The following MPRIP variants were observed in gnomAD, a reference collection of about 807,000 sequenced individuals.
The protein encoded by MPRIP is myosin phosphatase Rho-interacting protein.
In MPRIP, 59 loss-of-function variants were observed where a neutral mutation model predicts 234.9. The observed-to-expected ratio is 0.25, with a 90% confidence interval of 0.20 to 0.31. MPRIP has a LOEUF of 0.31. MPRIP is among the 10% of genes least tolerant of loss of function. The pLI is 1.00. For synonymous variants in MPRIP, 1,144 were observed against 1,263.9 expected, an observed-to-expected ratio of 0.91 and a Z score of 2.01; for missense variants, 2,436 against 3,071.0, an observed-to-expected ratio of 0.79 and a Z score of 4.89.
At chr17:17,061,990 A>G (rs924619714) in intron 1 of MPRIP, among the ~76,000 whole-genome samples, 4 of 152,152 alleles carry the variant, frequency 2.6e-5, no homozygotes, top group Non-Finnish European at 4.4e-5. Context: ...TTTTAATAAA[A>G]AATGGCATGG....
chr17:17,161,443 A>G, intron 15 of MPRIP, 87 bp downstream of exon 15: 1 of 914,006 alleles, frequency 1.1e-6, no homozygotes, highest in South Asian at 2.1e-5. Context: ...GGAGTGTGCA[A>G]AACTTGGCTG....
chr17:17,168,930 C>A, intron 16 of MPRIP: 1 of 456,860 alleles, frequency 2.2e-6, no homozygotes, highest in South Asian at 1.5e-5. Context: ...CACTGTCTAG[C>A]AGGACACCTG....
chr17:17,075,596 C>T (rs1326494067), intron 1 of MPRIP, 114 bp from the exon 2 acceptor site: 4 of 881,488 alleles, frequency 4.5e-6, no homozygotes, highest in Non-Finnish European at 5.6e-6. Context: ...GGTGTCATGA[C>T]CTCTGCAGAG....
At chr17:17,122,845 T>G (rs1597841991) in intron 3 of MPRIP, among the ~76,000 whole-genome samples, 1 of 152,190 alleles carries the variant, frequency 6.6e-6, no homozygotes, top group African/African-American at 2.4e-5. Context: ...ACATATAGTT[T>G]CCATATGACC....
At position 17,158,513 on chromosome 17, in the gene MPRIP, G is replaced by A. The variant is rs1262920188; in HGVS notation, c.1911G>A (p.Leu637=). The change falls in exon 14 of 24, where the codon CTG becomes CTA. Residue 637 remains leucine (L), a synonymous_variant. Transcript: ENST00000651222. ...CTACTGAGAAGCAAGAGGCAGAGCTGGGGGAGCCGGACCCTGAGCAGAAGA... is the reference window on the plus strand; with the variant it reads ...CTACTGAGAAGCAAGAGGCAGAGCTAGGGGAGCCGGACCCTGAGCAGAAGA... ...PRPTEKQEAE[L]GEPDPEQKRS... The A allele has an allele frequency of 2.5e-6, 4 of 1,611,556 alleles. No homozygotes were observed. Among genetic ancestry groups the A allele is most frequent in the Non-Finnish European group, 3.4e-6 (4 of 1,179,882 alleles).
chr17:17,096,305 G>C (rs911180534), intron 3 of MPRIP, among the ~76,000 whole-genome samples: 2 of 99,274 alleles, frequency 2.0e-5, no homozygotes, highest in Non-Finnish European at 4.0e-5. Context: ...GTGTGTGTGT[G>C]TGTGTGTGTG....
chr17:17,127,135 C>T (rs772450568), intron 4 of MPRIP, among the ~76,000 whole-genome samples: 1 of 152,222 alleles, frequency 6.6e-6, no homozygotes, highest in Non-Finnish European at 1.5e-5. Flanking sequence ...ACTCACCTGC[C>T]CCTCCACCTG....
At chr17:17,121,885 T>C (rs1182043647) in intron 3 of MPRIP, among the ~76,000 whole-genome samples, 2 of 152,308 alleles carry the variant, frequency 1.3e-5, no homozygotes, top group East Asian at 3.9e-4. Context: ...ATCATTTAGC[T>C]CCCACTTACA....
At chr17:17,126,238 T>C (rs1237711349) in intron 3 of MPRIP, among the ~76,000 whole-genome samples, 1 of 152,190 alleles carries the variant, frequency 6.6e-6, no homozygotes, top group Non-Finnish European at 1.5e-5. Context: ...TGGCCGCCTC[T>C]AAAGAAGGCA....
At chr17:17,173,351 A>G (rs2046185679) in intron 18 of MPRIP, among the ~76,000 whole-genome samples, 1 of 152,248 alleles carries the variant, frequency 6.6e-6, no homozygotes, top group African/African-American at 2.4e-5. Flanking sequence ...AGGAGCCTTT[A>G]TAGCATAGCC....
At chr17:17,093,616 T>C (rs905391872) in intron 3 of MPRIP, among the ~76,000 whole-genome samples, 26 of 152,276 alleles carry the variant, frequency 1.7e-4, no homozygotes, top group South Asian at 4.1e-4. Flanking sequence ...TTAAAGGCAA[T>C]GAGGGGCTTT....
At chr17:17,080,676 C>G (rs1398451628) in intron 3 of MPRIP, among the ~76,000 whole-genome samples, 1 of 152,234 alleles carries the variant, frequency 6.6e-6, no homozygotes. Context: ...ACAAGGAAGG[C>G]TCCAGCCCAA....
At chr17:17,163,049 C>T (rs993508271) in intron 15 of MPRIP, among the ~76,000 whole-genome samples, 6 of 152,188 alleles carry the variant, frequency 3.9e-5, no homozygotes, top group Non-Finnish European at 8.8e-5. Flanking sequence ...GTCTAATAAC[C>T]TGTGACTTCT....
intron 15 of MPRIP, 105 bp from the exon 16 acceptor site, chr17:17,164,004 C>A: frequency 1.4e-6 from 1 of 719,188 alleles, no homozygotes; most frequent in Non-Finnish European, 2.1e-6. Flanking sequence ...GGATAAAAGC[C>A]AAAGCCATCA....
chr17:17,141,026 A>G (rs2090804317), intron 7 of MPRIP, among the ~76,000 whole-genome samples: 1 of 152,164 alleles, frequency 6.6e-6, no homozygotes, highest in African/African-American at 2.4e-5. Flanking sequence ...GTGGTCTTAC[A>G]GGATCTCCCC....
chr17:17,168,518 T>G (rs1016485688), intron 16 of MPRIP: 19 of 312,772 alleles, frequency 6.1e-5, no homozygotes, highest in East Asian at 4.5e-4. Flanking sequence ...CCCAGGACCT[T>G]TACAAGTAGA....
chr17:17,143,737 T>G, intron 9 of MPRIP, 68 bp downstream of exon 9: 1 of 1,079,288 alleles, frequency 9.3e-7, no homozygotes, highest in Non-Finnish European at 1.3e-6. Flanking sequence ...AGGCGCTGTC[T>G]GTTTCTGTCT....
intron 1 of MPRIP, among the ~76,000 whole-genome samples, chr17:17,073,162 G>A (rs941730429): frequency 6.6e-6 from 1 of 152,088 alleles, no homozygotes; most frequent in Non-Finnish European, 1.5e-5. Flanking sequence ...TTTGATGAAC[G>A]CTGGGTGGGG....
intron 1 of MPRIP, among the ~76,000 whole-genome samples, chr17:17,049,029 GC>G (rs1365761529): frequency 6.6e-6 from 1 of 152,254 alleles, no homozygotes; most frequent in Non-Finnish European, 1.5e-5. Flanking sequence ...ACTGAGACAT[GC>G]CACAACATGG....
Sources: gnomAD v4.1 joint callset for allele counts (sites outside exome capture counted in the v4.1 genomes callset) on GRCh38, gnomAD v4.1.1 for gene constraint, MANE v1.5 for transcripts, NCBI Gene and HGNC (gene_info 2026-07-23, HGNC 2026-07-21) for gene names.